ARGLU1: variants seen among roughly 807,000 people sequenced by gnomAD.
ARGLU1 encodes the protein arginine and glutamate-rich protein 1.
ARGLU1 carries 9 observed loss-of-function variants against 37.6 expected under a neutral mutation model. That is an observed-to-expected ratio of 0.24 (90% CI 0.14 to 0.42). The LOEUF (loss-of-function observed/expected upper bound fraction) is 0.42. Ranked by LOEUF, ARGLU1 falls within the 10% of genes least tolerant of loss-of-function variation. ARGLU1 has a pLI of 1.00. For synonymous variants in ARGLU1, 166 were observed against 138.5 expected, an observed-to-expected ratio of 1.20 and a Z score of -1.39; for missense variants, 211 against 359.2, an observed-to-expected ratio of 0.59 and a Z score of 3.34.
intron 2 of ARGLU1, 123 bp downstream of exon 2, chr13:106,559,309 T>C (rs1296388113): frequency 1.3e-6 from 2 of 1,544,400 alleles, no homozygotes; most frequent in South Asian, 2.4e-5. Context: ...CAATGTTAAG[T>C]TTAGACGAGA....
In ARGLU1 at chr13:106,567,127, C is replaced by T. The variant is rs183808405; in HGVS notation, c.347+446G>A. Among the ~76,000 whole-genome samples the T allele has an allele frequency of 3.9e-5, 6 of 152,180 alleles. No individual in the cohort carries two copies. The highest frequency in any genetic ancestry group is 2.6e-4 in the Admixed American group (4 of 15,294). ...TGAGCTTCAATAGAATGCTTCTGGC[C>T]AGCTGTGATTCGCATCTCAAAGGTT... is the stretch of plus-strand genomic sequence containing the variant. On this transcript the variant is annotated intron_variant, in intron 1 of 3. Transcript: ENST00000400198. The surrounding 1 kb of genome is among the most constrained non-coding windows in gnomAD (Gnocchi z 4.3).
chr13:106,546,588 TA>T (rs34095058), intron 3 of ARGLU1, among the ~76,000 whole-genome samples: 1 of 150,920 alleles, frequency 6.6e-6, no homozygotes, highest in Non-Finnish European at 1.5e-5. Context: ...CCAGTTTTAA[TA>T]AATCATCACA....
rs1300198481 is a variant in ARGLU1, at chr13:106,543,501, G to C, written c.*495C>G. 1 of 152,768 alleles carries C rather than the reference G, an allele frequency of 6.5e-6. No homozygotes were observed. The highest frequency in any genetic ancestry group is 1.5e-5 in the Non-Finnish European group (1 of 68,264). The allele number at this position is 152,768 out of a possible 1,614,324, so 9.5% of individuals were successfully genotyped here. A position where few individuals can be genotyped will look rare whatever the true frequency, so the allele number is the denominator to read the frequency against. On this transcript the variant is annotated 3_prime_UTR_variant, in exon 4 of 4. Coordinates refer to ENST00000400198, the MANE Select transcript of ARGLU1 (RefSeq NM_018011.4). ...CTTACCTGTATCAGGAACATCAAGA[G>C]CAACAGTATCACAAGGACACTGGTT... is the stretch of plus-strand genomic sequence containing the variant.
In ARGLU1 at chr13:106,568,118, G is replaced by A. The variant is rs1881032179; in HGVS notation, c.-199C>T. On this transcript the variant is annotated 5_prime_UTR_variant, in exon 1 of 4. Transcript: ENST00000400198. ...CAACGAGAAACCCGTAGCGCCAGGC[G>A]CCCCTAAGATGGCAGCTGCGGCTGC... is the stretch of plus-strand genomic sequence containing the variant. 7.4e-6 allele frequency: 6 copies of A among 809,342 alleles called. No individual in the cohort carries two copies. Among genetic ancestry groups the A allele is most frequent in the African/African-American group, 3.7e-5 (2 of 54,676 alleles). 50.1% of individuals were successfully genotyped at this position (809,342 alleles called of 1,614,324 possible).
chr13:106,553,696 T>A (rs1420485443), intron 3 of ARGLU1, among the ~76,000 whole-genome samples: 1 of 152,224 alleles, frequency 6.6e-6, no homozygotes, highest in Non-Finnish European at 1.5e-5. Flanking sequence ...TTCAGAAATG[T>A]ATTGTAGTTG....
rs370990793 is a variant in ARGLU1, at chr13:106,559,450, G to A, written c.555C>T (p.Ala185=). The A allele has an allele frequency of 2.3e-5, 37 of 1,613,924 alleles. No homozygotes were observed. Among genetic ancestry groups the A allele is most frequent in the Non-Finnish European group, 3.1e-5 (37 of 1,180,008 alleles). The change falls in exon 2 of 4, where the codon GCC becomes GCT. Residue 185 remains alanine, a synonymous_variant. Transcript: ENST00000400198. ...ELERQRQAEL[A]AQKAREEEER... is the part of the protein sequence containing the mutation. ...GCGTTACCTCTCTAGCTTTTTGTGCGGCAAGCTCAGCTTGTCTCTGTCGCT... is the reference window on the plus strand; with the variant it reads ...GCGTTACCTCTCTAGCTTTTTGTGCAGCAAGCTCAGCTTGTCTCTGTCGCT...
Position 106,559,211 on chromosome 13 carries a change from A to G in ARGLU1, c.573+221T>C. 5 of 1,504,456 alleles carry G rather than the reference A, an allele frequency of 3.3e-6. No homozygotes were observed. The South Asian group carries it at 6.0e-5, about 18-fold the overall frequency. The allele number at this position is 1,504,456 out of a possible 1,614,324, so 93.2% of individuals were successfully genotyped here. On this transcript the variant is annotated intron_variant, in intron 2 of 3. Transcript: ENST00000400198. ...AATAGCCAGTTCCATTAAATCAAAA[A>G]GTATCCTTGAATATGTTTTATAAAA...
chr13:106,546,799 A>G (rs979207594), intron 3 of ARGLU1, among the ~76,000 whole-genome samples: 3 of 152,212 alleles, frequency 2.0e-5, no homozygotes, highest in Non-Finnish European at 4.4e-5. Context: ...ACCTTAATCC[A>G]TAAGAGAAAT....
chr13:106,560,944 A>C (rs1400069944), intron 1 of ARGLU1, among the ~76,000 whole-genome samples: 2 of 152,172 alleles, frequency 1.3e-5, no homozygotes, highest in African/African-American at 4.8e-5. Flanking sequence ...TTCAATTCTC[A>C]CCCAAGGGCT....
intron 3 of ARGLU1, among the ~76,000 whole-genome samples, chr13:106,547,776 GT>G (rs1566470626): frequency 1.5e-5 from 2 of 137,144 alleles, no homozygotes; most frequent in Non-Finnish European, 3.2e-5. Flanking sequence ...TGGGGATTGG[GT>G]TGGGGGTAAG....
chr13:106,556,825 A>G (rs1404652427), intron 3 of ARGLU1, among the ~76,000 whole-genome samples: 1 of 152,208 alleles, frequency 6.6e-6, no homozygotes, highest in Non-Finnish European at 1.5e-5. Flanking sequence ...TAATTTCCCC[A>G]GAAAACTTGT....
intron 3 of ARGLU1, among the ~76,000 whole-genome samples, chr13:106,553,811 A>C (rs1880592425): frequency 6.6e-6 from 1 of 152,214 alleles, no homozygotes; most frequent in Non-Finnish European, 1.5e-5. Context: ...AATGTTTAAG[A>C]AATCTCCCTC....
chr13:106,567,668 G>A lies in ARGLU1; in HGVS notation c.252C>T (p.Ile84=), dbSNP rs369104883. The change falls in exon 1 of 4, where the codon ATC becomes ATT. Residue 84 remains isoleucine, a synonymous_variant. Transcript: ENST00000400198. The surrounding 1 kb of genome is among the most constrained non-coding windows in gnomAD (Gnocchi z 4.3). ...RASSPPDRID[I]FGRTVSKRSS... is the part of the protein sequence containing the mutation. ...TGCGCTTGCTCACCGTGCGCCCGAAGATGTCGATGCGGTCGGGCGGGGACG... is the reference window on the plus strand; with the variant it reads ...TGCGCTTGCTCACCGTGCGCCCGAAAATGTCGATGCGGTCGGGCGGGGACG... 35 of 1,613,328 alleles carry A rather than the reference G, an allele frequency of 2.2e-5. 1 individual carries two copies. Among genetic ancestry groups the A allele is most frequent in the Non-Finnish European group, 2.9e-5 (34 of 1,179,672 alleles).
At chr13:106,554,269 T>C (rs1284599082) in intron 3 of ARGLU1, among the ~76,000 whole-genome samples, 2 of 152,254 alleles carry the variant, frequency 1.3e-5, no homozygotes, top group Non-Finnish European at 2.9e-5. Context: ...TTTCTCAATA[T>C]AGATTTTAGC....
chr13:106,549,091 T>G, intron 3 of ARGLU1, among the ~76,000 whole-genome samples: 1 of 152,230 alleles, frequency 6.6e-6, no homozygotes, highest in East Asian at 1.9e-4. Flanking sequence ...ACTGATTTTA[T>G]AAAGATTACC....
Position 106,542,019 on chromosome 13 carries a change from C to T in ARGLU1, c.*1977G>A, listed in dbSNP as rs1594185538. 1 of 152,084 alleles carries T rather than the reference C, an allele frequency of 6.6e-6. No individual in the cohort carries two copies. The highest frequency in any genetic ancestry group is 1.9e-4 in the East Asian group (1 of 5,178). The allele number at this position is 152,084 out of a possible 1,614,324, so 9.4% of individuals were successfully genotyped here. A position where few individuals can be genotyped will look rare whatever the true frequency, so the allele number is the denominator to read the frequency against. Reference sequence around the variant, plus strand: ...CTGGCAGAGGAAAGTAGTTACCAAGCACAGGAACAATTTCAACATCTCACT... The same window carrying T: ...CTGGCAGAGGAAAGTAGTTACCAAGTACAGGAACAATTTCAACATCTCACT... On this transcript the variant is annotated 3_prime_UTR_variant, in exon 4 of 4. Transcript: ENST00000400198.
intron 3 of ARGLU1, among the ~76,000 whole-genome samples, chr13:106,554,806 A>C (rs1012928532): frequency 2.6e-5 from 4 of 151,710 alleles, no homozygotes; most frequent in African/African-American, 9.7e-5. Context: ...GATTGCTTGA[A>C]TCTGGAAGGC....
At chr13:106,559,404 C>T in intron 2 of ARGLU1, 28 bp downstream of exon 2, 1 of 1,612,844 alleles carries the variant, frequency 6.2e-7, no homozygotes, top group Non-Finnish European at 8.5e-7. Flanking sequence ...CATGGACTGT[C>T]TCTACTTTCC....
intron 3 of ARGLU1, among the ~76,000 whole-genome samples, chr13:106,546,178 A>G (rs919226405): frequency 2.2e-4 from 34 of 152,164 alleles, no homozygotes; most frequent in Admixed American, 1.3e-4. Flanking sequence ...TTGTACATCT[A>G]AAATGGTGCC....
Sources: allele counts gnomAD v4.1 joint callset (sites outside exome capture counted in the v4.1 genomes callset), GRCh38; gene constraint gnomAD v4.1.1; non-coding constraint Gnocchi (gnomAD v3.1); transcripts MANE v1.5; gene names NCBI Gene and HGNC (gene_info 2026-07-23, HGNC 2026-07-21).